Variants in FAR2 observed in about 807,000 individuals in gnomAD.
The protein encoded by FAR2 is fatty acyl-CoA reductase 2, also known as epididymis secretory protein Li 81.
A neutral mutation model predicts 56.0 loss-of-function variants in FAR2; 19 were observed. That is an observed-to-expected ratio of 0.34 (90% CI 0.24 to 0.50). FAR2 has a LOEUF of 0.50. FAR2 is among the 20% of genes least tolerant of loss of function. The pLI, the probability that FAR2 is intolerant of heterozygous loss-of-function variation, is 0.98. For synonymous variants in FAR2, 219 were observed against 218.8 expected, an observed-to-expected ratio of 1.00 and a Z score of -0.01; for missense variants, 508 against 642.2, an observed-to-expected ratio of 0.79 and a Z score of 2.26.
chr12:29,170,254 G>T (rs571939662), intron 1 of FAR2, among the ~76,000 whole-genome samples: 1 of 152,310 alleles, frequency 6.6e-6, no homozygotes, highest in Admixed American at 6.5e-5. Flanking sequence ...TAATCGCCTG[G>T]GAGGAAACAT....
chr12:29,327,559 G>T (rs979413733), intron 10 of FAR2, among the ~76,000 whole-genome samples: 15 of 152,056 alleles, frequency 9.9e-5, no homozygotes, highest in African/African-American at 3.6e-4. Flanking sequence ...AACAGAGATA[G>T]AGACCAATGG....
At chr12:29,303,473 C>T (rs1949208477) in intron 4 of FAR2, among the ~76,000 whole-genome samples, 1 of 152,144 alleles carries the variant, frequency 6.6e-6, no homozygotes, top group Non-Finnish European at 1.5e-5. Flanking sequence ...CTACTAAAAA[C>T]CATGCTTCTG....
chr12:29,253,106 G>T (rs1246535737), intron 1 of FAR2, among the ~76,000 whole-genome samples: 1 of 152,132 alleles, frequency 6.6e-6, no homozygotes, highest in East Asian at 1.9e-4. Context: ...CTAACCTGCA[G>T]ATTTTAAACT....
At chr12:29,313,546 T>C (rs904160936) in intron 8 of FAR2, among the ~76,000 whole-genome samples, 1 of 152,172 alleles carries the variant, frequency 6.6e-6, no homozygotes, top group Non-Finnish European at 1.5e-5. Flanking sequence ...ACCTATAAAT[T>C]ATCTGGATTT....
chr12:29,149,314 T>A lies in FAR2; in HGVS notation c.-132T>A, dbSNP rs1321917756. On this transcript the variant is annotated 5_prime_UTR_variant, in exon 1 of 12. Transcript: ENST00000536681. The stretch of plus-strand genomic sequence containing the variant: ...TTTGGGAGCCGAAAGACTGGAGCCG[T>A]TTCCTTGTGGCTGGAGCGCTTCCCG... 1 of 152,452 alleles carries A rather than the reference T, an allele frequency of 6.6e-6. No homozygotes were observed. The highest frequency in any genetic ancestry group is 1.5e-5 in the Non-Finnish European group (1 of 68,260). The allele number at this position is 152,452 out of a possible 1,614,324, so 9.4% of individuals were successfully genotyped here.
intron 1 of FAR2, among the ~76,000 whole-genome samples, chr12:29,220,730 T>G (rs1947676082): frequency 6.6e-6 from 1 of 152,060 alleles, no homozygotes; most frequent in African/African-American, 2.4e-5. Context: ...AATTCTTGCC[T>G]CCTCAGAAGA....
chr12:29,332,006 T>C (rs1225057472), intron 10 of FAR2: 2 of 153,052 alleles, frequency 1.3e-5, no homozygotes, highest in Non-Finnish European at 2.9e-5. Context: ...CCTAAACAGA[T>C]CAATCTCTTC....
At chr12:29,293,266 A>AT (rs1565508796) in intron 2 of FAR2, 34 bp from the exon 3 acceptor site, 3 of 1,457,782 alleles carry the variant, frequency 2.1e-6, no homozygotes, top group Admixed American at 2.4e-5. Flanking sequence ...TGATGGTGCT[A>AT]TTTTTTGTAT....
At chr12:29,256,858 C>T (rs942422917) in intron 1 of FAR2, among the ~76,000 whole-genome samples, 2 of 152,252 alleles carry the variant, frequency 1.3e-5, no homozygotes, top group African/African-American at 2.4e-5. Context: ...GATTTCTCAC[C>T]GGGCCTTAGC....
chr12:29,298,905 A>G (rs886595605), intron 4 of FAR2, among the ~76,000 whole-genome samples: 4 of 152,126 alleles, frequency 2.6e-5, no homozygotes, highest in African/African-American at 9.7e-5. Flanking sequence ...AAAGAGCCTG[A>G]GAGTTCATCA....
At chr12:29,233,933 CT>C (rs1169649568) in intron 1 of FAR2, among the ~76,000 whole-genome samples, 5 of 152,296 alleles carry the variant, frequency 3.3e-5, no homozygotes, top group African/African-American at 1.2e-4. Flanking sequence ...TCAATGACTG[CT>C]AATTATGTCC....
chr12:29,174,473 G>T (rs1205679521), intron 1 of FAR2, among the ~76,000 whole-genome samples: 2 of 107,066 alleles, frequency 1.9e-5, no homozygotes, highest in Non-Finnish European at 3.4e-5. Context: ...GTCTTGCTGT[G>T]TCACCCAGGC....
At chr12:29,212,605 A>G (rs940977476) in intron 1 of FAR2, among the ~76,000 whole-genome samples, 1 of 152,196 alleles carries the variant, frequency 6.6e-6, no homozygotes, top group Non-Finnish European at 1.5e-5. Context: ...CCAGGTCCCC[A>G]GACCTGAGTT....
chr12:29,220,657 C>T (rs1015713605), intron 1 of FAR2, among the ~76,000 whole-genome samples: 1 of 152,086 alleles, frequency 6.6e-6, no homozygotes, highest in Non-Finnish European at 1.5e-5. Context: ...AGTGTAACAT[C>T]CCAGTCACAC....
intron 1 of FAR2, among the ~76,000 whole-genome samples, chr12:29,196,561 A>G (rs1950146172): frequency 6.6e-6 from 1 of 152,204 alleles, no homozygotes; most frequent in East Asian, 1.9e-4. Context: ...GAATTTCCTT[A>G]TGCAGAAGAA....
intron 1 of FAR2, among the ~76,000 whole-genome samples, chr12:29,161,991 T>G (rs1017126120): frequency 6.6e-6 from 1 of 152,234 alleles, no homozygotes. Context: ...TCATAGTTAT[T>G]TGTGGGTATA....
At chr12:29,290,419 C>T (rs1591933839) in intron 2 of FAR2, among the ~76,000 whole-genome samples, 1 of 151,506 alleles carries the variant, frequency 6.6e-6, no homozygotes, top group African/African-American at 2.4e-5. Flanking sequence ...GCACTCCAGC[C>T]TGGGTGACAG....
intron 4 of FAR2, 72 bp downstream of exon 4, chr12:29,297,272 C>A: frequency 1.4e-6 from 2 of 1,389,682 alleles, no homozygotes; most frequent in South Asian, 1.4e-5. Flanking sequence ...TTCTTTGTAG[C>A]TATTAATGAG....
At chr12:29,287,133 T>C (rs576712816) in intron 2 of FAR2, among the ~76,000 whole-genome samples, 1 of 152,174 alleles carries the variant, frequency 6.6e-6, no homozygotes, top group Non-Finnish European at 1.5e-5. Context: ...CTAGAGACCA[T>C]GTTCAAAGAA....
Sources: gnomAD v4.1 joint callset for allele counts (sites outside exome capture counted in the v4.1 genomes callset) on GRCh38, gnomAD v4.1.1 for gene constraint, MANE v1.5 for transcripts, NCBI Gene and HGNC (gene_info 2026-07-23, HGNC 2026-07-21) for gene names.